The following RBFOX1 variants were observed in gnomAD, a reference collection of about 807,000 sequenced individuals.
The protein encoded by RBFOX1 is RNA binding fox-1 homolog 1.
In RBFOX1, 8 loss-of-function variants were observed where a neutral mutation model predicts 57.7. The ratio of observed to expected loss-of-function variants is 0.14; its 90% CI spans 0.08 to 0.25. RBFOX1 has a LOEUF of 0.25. RBFOX1 is among the 10% of genes least tolerant of loss of function. The pLI is 1.00. For missense variants in RBFOX1, 611 were observed against 548.5 expected, an observed-to-expected ratio of 1.11 and a Z score of -1.14; for synonymous variants, 326 against 222.4, an observed-to-expected ratio of 1.47 and a Z score of -4.15.
rs142297077 is a variant in RBFOX1, at chr16:6,570,061, G to A, written c.-63-84542G>A. On this transcript the variant is annotated intron_variant, in intron 2 of 15. Transcript: ENST00000550418. ...TATTGATAGCATTTTGTTGTCATGC[G>A]CTTGAAGTATTCTTTCATGATTGAC... Among the ~76,000 whole-genome samples, 522 of 152,264 alleles carry A rather than the reference G, an allele frequency of 3.4e-3. 5 individuals carry two copies. The highest frequency in any genetic ancestry group is 0.012 in the African/African-American group (480 of 41,558).
At chr16:6,998,359 G>T (rs1332679353) in intron 3 of RBFOX1, among the ~76,000 whole-genome samples, 1 of 152,102 alleles carries the variant, frequency 6.6e-6, no homozygotes, top group African/African-American at 2.4e-5. Context: ...ATGAATCCAA[G>T]AAATAATAAG....
chr16:5,918,643 G>C (rs979270984), intron 4 of RBFOX1, among the ~76,000 whole-genome samples: 1 of 152,202 alleles, frequency 6.6e-6, no homozygotes, highest in Admixed American at 6.5e-5. Context: ...ACAGTGAGCT[G>C]TAGGCATTCC....
intron 4 of RBFOX1, among the ~76,000 whole-genome samples, chr16:7,289,212 A>G (rs903198384): frequency 3.3e-5 from 5 of 152,198 alleles, no homozygotes; most frequent in African/African-American, 1.2e-4. Flanking sequence ...GTCAAACACT[A>G]GAGTTGAGAG....
chr16:5,575,560 C>T (rs548168382), intron 2 of RBFOX1, among the ~76,000 whole-genome samples: 2 of 152,344 alleles, frequency 1.3e-5, no homozygotes, highest in African/African-American at 4.8e-5. Flanking sequence ...TCTACTCCTA[C>T]CTGACGGAAG....
intron 12 of RBFOX1, 62 bp from the exon 13 acceptor site, chr16:7,664,867 G>T (rs992645177): frequency 1.9e-4 from 306 of 1,613,550 alleles, no homozygotes; most frequent in Non-Finnish European, 2.5e-4. Flanking sequence ...TGCAGGGGTT[G>T]GTGTGTCTGC....
At chr16:7,396,230 C>G (rs1378841387) in intron 4 of RBFOX1, among the ~76,000 whole-genome samples, 1 of 152,130 alleles carries the variant, frequency 6.6e-6, no homozygotes, top group African/African-American at 2.4e-5. Flanking sequence ...AAGGCTGTGG[C>G]AGTACAACTG....
chr16:7,176,226 T>A (rs2222894), intron 4 of RBFOX1, among the ~76,000 whole-genome samples: 76,182 of 134,036 alleles, frequency 0.57, 24,841 homozygotes, highest in African/African-American at 0.73. Context: ...TAATAATAAT[T>A]CTTGGTTCTT....
intron 3 of RBFOX1, among the ~76,000 whole-genome samples, chr16:6,957,871 A>G (rs562076342): frequency 8.3e-4 from 127 of 152,260 alleles, no homozygotes; most frequent in African/African-American, 3.0e-3. Context: ...ACAGTTGCAG[A>G]TTAGTCAGAG....
In RBFOX1 at chr16:5,569,741, C is replaced by T. The variant is rs2046214243; in HGVS notation, c.259-29161C>T. On this transcript the variant is annotated intron_variant, in intron 2 of 2. Coordinates refer to the RBFOX1 transcript ENST00000585867. ...TTGACGAGTTCCCCCTTTTCCTTTC[C>T]TCATGACCCCTCCATCTGATCTTTC... Among the ~76,000 whole-genome samples the T allele has an allele frequency of 1.3e-5, 2 of 151,934 alleles. 1 individual carries two copies. The highest frequency in any genetic ancestry group is 4.2e-4 in the South Asian group (2 of 4,798).
At chr16:6,876,926 C>T (rs2061955914) in intron 3 of RBFOX1, among the ~76,000 whole-genome samples, 1 of 152,014 alleles carries the variant, frequency 6.6e-6, no homozygotes, top group Admixed American at 6.6e-5. Flanking sequence ...CTATTCTGAC[C>T]TTTTTTCAAG....
intron 4 of RBFOX1, among the ~76,000 whole-genome samples, chr16:7,139,174 C>CTGTGTGTG (rs1276311817): frequency 0.023 from 512 of 22,752 alleles, 5 homozygotes; most frequent in African/African-American, 0.044. Flanking sequence ...ATCAATCTCT[C>CTGTGTGTG]TCTGTGTGTG....
At chr16:6,183,594 A>G (rs1407960155) in intron 1 of RBFOX1, among the ~76,000 whole-genome samples, 3 of 152,132 alleles carry the variant, frequency 2.0e-5, no homozygotes, top group Non-Finnish European at 2.9e-5. Flanking sequence ...GGGTCTGGGA[A>G]TACATCTCTG....
intron 3 of RBFOX1, among the ~76,000 whole-genome samples, chr16:5,709,839 ATATATTTTTTTTTTTTTTTTTTT>A (rs2051411200): frequency 1.5e-4 from 1 of 6,526 alleles, no homozygotes; most frequent in South Asian, 0.013. Context: ...ATATATATAT[ATATATTTTTTTTTTTTTTTTTTT>A]TTTTTTTTTT....
chr16:7,139,176 C>G (rs8062802), intron 4 of RBFOX1, among the ~76,000 whole-genome samples: 5,433 of 145,844 alleles, frequency 0.037, 287 homozygotes, highest in African/African-American at 0.12. Flanking sequence ...CAATCTCTCT[C>G]TGTGTGTGTG....
intron 2 of RBFOX1, among the ~76,000 whole-genome samples, chr16:6,485,468 A>G (rs2095457358): frequency 6.6e-6 from 1 of 151,994 alleles, no homozygotes; most frequent in Non-Finnish European, 1.5e-5. Context: ...CCTGGTGCAC[A>G]GAAACCTTTT....
At chr16:6,367,203 G>A (rs568538052) in intron 2 of RBFOX1, among the ~76,000 whole-genome samples, 1 of 152,286 alleles carries the variant, frequency 6.6e-6, no homozygotes, top group Non-Finnish European at 1.5e-5. Context: ...TGAATTGTAA[G>A]CTGGACATTA....
At chr16:7,393,231 G>T (rs1192231020) in intron 4 of RBFOX1, among the ~76,000 whole-genome samples, 8 of 152,098 alleles carry the variant, frequency 5.3e-5, no homozygotes, top group Admixed American at 5.2e-4. Flanking sequence ...GATCTGACAG[G>T]AAATGCCTGA....
At chr16:5,886,961 C>G (rs1391204850) in intron 4 of RBFOX1, among the ~76,000 whole-genome samples, 2 of 152,196 alleles carry the variant, frequency 1.3e-5, no homozygotes, top group African/African-American at 4.8e-5. Flanking sequence ...GTTTCTCAGC[C>G]TCAGCACTAT....
intron 3 of RBFOX1, among the ~76,000 whole-genome samples, chr16:5,793,335 G>A (rs548991264): frequency 3.9e-5 from 6 of 152,336 alleles, no homozygotes; most frequent in African/African-American, 1.4e-4. Context: ...GTCTTTTCTT[G>A]TTTTGTCAAC....
Sources: allele counts gnomAD v4.1 joint callset (sites outside exome capture counted in the v4.1 genomes callset), GRCh38; gene constraint gnomAD v4.1.1; transcripts MANE v1.5; gene names NCBI Gene and HGNC (gene_info 2026-07-23, HGNC 2026-07-21).